Variants in GYS2 observed in about 807,000 individuals in gnomAD.
GYS2 encodes glycogen synthase 2.
GYS2 carries 80 observed loss-of-function variants against 85.6 expected under a neutral mutation model. The observed-to-expected ratio is 0.93, with a 90% CI of 0.78 to 1.13. GYS2 has a LOEUF of 1.13. Ranked by LOEUF, GYS2 falls within the 50% of genes most tolerant of loss-of-function variation. GYS2 has a pLI of 0.00. For missense variants in GYS2, 881 were observed against 854.9 expected (o/e 1.03, Z -0.38); for synonymous variants, 328 against 300.7 (o/e 1.09, Z -0.94).
downstream of GYS2, among the ~76,000 whole-genome samples, chr12:21,535,321 G>C (rs1430182744): frequency 6.6e-6 from 1 of 152,108 alleles, no homozygotes; most frequent in East Asian, 1.9e-4. Flanking sequence ...CATTTTCATG[G>C]TTATTGTAAC....
At chr12:21,583,923 G>T (rs980461769) in intron 1 of GYS2, among the ~76,000 whole-genome samples, 4 of 152,200 alleles carry the variant, frequency 2.6e-5, no homozygotes, top group African/African-American at 9.6e-5. Flanking sequence ...AATGCCCATG[G>T]TCTCCACTCC....
chr12:21,569,878 A>G (rs928007147), intron 4 of GYS2, among the ~76,000 whole-genome samples: 12 of 152,178 alleles, frequency 7.9e-5, no homozygotes, highest in Non-Finnish European at 1.0e-4. Flanking sequence ...CCTTCATTTT[A>G]TGGAGAAGGA....
Position 21,585,896 on chromosome 12 carries a change from G to A in GYS2, c.122-5373C>T, listed in dbSNP as rs118001082. Among the ~76,000 whole-genome samples the A allele has an allele frequency of 1.9e-3, 295 of 152,262 alleles. 9 individuals carry two copies. In the East Asian group the frequency reaches 0.045, roughly 23 times the overall value. On this transcript the variant is annotated intron_variant, in intron 1 of 15. Transcript: ENST00000261195. ...GGGATTGGTGCATTTTCAATTGCACGAAGGATAGTTTTAGTATGTTAGGCA... is the reference window on the plus strand; with the variant it reads ...GGGATTGGTGCATTTTCAATTGCACAAAGGATAGTTTTAGTATGTTAGGCA...
intron 1 of GYS2, among the ~76,000 whole-genome samples, chr12:21,590,721 C>T (rs1300244293): frequency 6.6e-6 from 1 of 152,202 alleles, no homozygotes; most frequent in Non-Finnish European, 1.5e-5. Flanking sequence ...TGTACACAGC[C>T]ATGGGGCCCA....
In GYS2 at chr12:21,543,474, ATTC is replaced by A. The variant is rs796291584; in HGVS notation, c.1550-886_1550-884del. Among the ~76,000 whole-genome samples the A allele has an allele frequency of 7.9e-5, 12 of 152,240 alleles. No homozygotes were observed. The South Asian group carries it at 2.5e-3, about 32-fold the overall frequency. ...CATTTTGGAACTCCTCTCCAGAAAT[ATTC>A]TTCTTTTTTTAATTTTTACACACTT... On this transcript the variant is annotated intron_variant, in intron 12 of 15. Transcript: ENST00000261195.
chr12:21,537,855 A>G (rs778132000), intron 15 of GYS2, among the ~76,000 whole-genome samples: 4 of 152,212 alleles, frequency 2.6e-5, no homozygotes, highest in Non-Finnish European at 5.9e-5. Context: ...AACCAGATGA[A>G]AAAACATGAT....
downstream of GYS2, among the ~76,000 whole-genome samples, chr12:21,533,423 A>G (rs1943883193): frequency 6.6e-6 from 1 of 152,236 alleles, no homozygotes; most frequent in Admixed American, 6.5e-5. Flanking sequence ...TATCTTGACC[A>G]CAAAGAAAGG....
chr12:21,536,236 T>A lies in GYS2; in HGVS notation c.*718A>T, dbSNP rs1943909019. ...GTTTATTTACTTGGATTTTACAAGT[T>A]ATCATCTATGAAGATTGACCAAATT... On this transcript the variant is annotated 3_prime_UTR_variant, in exon 16 of 16. Coordinates refer to ENST00000261195, the MANE Select transcript of GYS2 (RefSeq NM_021957.4). 6.6e-6 allele frequency: 1 copy of A among 152,256 alleles called. No homozygotes were observed. 9.4% of individuals were successfully genotyped at this position (152,256 alleles called of 1,614,324 possible). A position where few individuals can be genotyped will look rare whatever the true frequency, so the allele number is the denominator to read the frequency against.
intron 15 of GYS2, 92 bp downstream of exon 15, chr12:21,539,166 C>T (rs1943943536): frequency 2.6e-6 from 2 of 766,584 alleles, no homozygotes; most frequent in Non-Finnish European, 4.6e-6. Context: ...AGTATCATAG[C>T]TTGTGTGCAT....
At chr12:21,576,081 T>G in intron 2 of GYS2, 24 bp from the exon 3 acceptor site, 1 of 1,580,728 alleles carries the variant, frequency 6.3e-7, no homozygotes, top group South Asian at 1.1e-5. Flanking sequence ...AACACAGCCA[T>G]GTAGTGATAT....
intron 1 of GYS2, among the ~76,000 whole-genome samples, chr12:21,603,771 T>C (rs1944778481): frequency 6.6e-6 from 1 of 152,158 alleles, no homozygotes; most frequent in Non-Finnish European, 1.5e-5. Context: ...AAGGAATTGT[T>C]TTATAATTTT....
rs372237517 is a variant in GYS2 at position 21,542,605 on chromosome 12, T to G, written c.1550-14A>C. The G allele has an allele frequency of 3.2e-6, 5 of 1,580,790 alleles. No individual in the cohort carries two copies. Among genetic ancestry groups the G allele is most frequent in the Non-Finnish European group, 4.3e-6 (5 of 1,149,664 alleles). On this transcript the variant is annotated splice_polypyrimidine_tract_variant and intron_variant, in intron 12 of 15. Transcript: ENST00000261195. ...CAGTGCATTCAGCTGCCAGGGGAAA[T>G]AGACCAAAGCTTGGCTTCAGACCAG...
chr12:21,562,960 G>A lies in GYS2; in HGVS notation c.1020C>T (p.Asp340=), dbSNP rs552109590. The A allele has an allele frequency of 3.7e-6, 6 of 1,611,470 alleles. No homozygotes were observed. The African/African-American group carries it at 8.0e-5, about 21-fold the overall frequency. Reference sequence around the variant, plus strand: ...GCCTGGATAAGGATTCTAGGAAGATGTCAGCTCCTTTGTTTGAAAACTCAT... The same window carrying A: ...GCCTGGATAAGGATTCTAGGAAGATATCAGCTCCTTTGTTTGAAAACTCAT... ...GRYEFSNKGA[D]IFLESLSRLN... The change falls in exon 7 of 16, where the codon GAC becomes GAT. Residue 340 remains aspartate (D), a synonymous_variant. Transcript: ENST00000261195.
intron 2 of GYS2, among the ~76,000 whole-genome samples, chr12:21,577,912 A>C (rs1944464692): frequency 6.6e-6 from 1 of 152,178 alleles, no homozygotes; most frequent in Non-Finnish European, 1.5e-5. Flanking sequence ...AGATAAGGTT[A>C]CTTTTTGACC....
intron 1 of GYS2, among the ~76,000 whole-genome samples, chr12:21,582,504 C>A (rs77705123): frequency 0.17 from 25,186 of 152,002 alleles, 2,363 homozygotes; most frequent in East Asian, 0.27. Flanking sequence ...CCTCAGCTGG[C>A]AGATGGCCTG....
At chr12:21,591,395 GA>G (rs1944637431) in intron 1 of GYS2, among the ~76,000 whole-genome samples, 1 of 151,596 alleles carries the variant, frequency 6.6e-6, no homozygotes, top group Non-Finnish European at 1.5e-5. Flanking sequence ...TCAAGCAGAA[GA>G]AAAATTTCAG....
At chr12:21,539,081 G>C (rs1261417789) in intron 15 of GYS2, among the ~76,000 whole-genome samples, 177 bp downstream of exon 15, 1 of 152,176 alleles carries the variant, frequency 6.6e-6, no homozygotes, top group African/African-American at 2.4e-5. Context: ...TGAATTAACT[G>C]TCTTGAGAGC....
intron 1 of GYS2, among the ~76,000 whole-genome samples, chr12:21,593,069 A>T (rs1214057781): frequency 6.6e-6 from 1 of 152,034 alleles, no homozygotes; most frequent in African/African-American, 2.4e-5. Context: ...GAAATCAAAA[A>T]TTTTTTGAAA....
At chr12:21,562,677 T>C (rs966370538) in intron 7 of GYS2, among the ~76,000 whole-genome samples, 6 of 127,292 alleles carry the variant, frequency 4.7e-5, no homozygotes, top group East Asian at 4.3e-4. Context: ...AGACATATAA[T>C]GGGATAAGCT....
Sources: gnomAD v4.1 joint callset for allele counts (sites outside exome capture counted in the v4.1 genomes callset) on GRCh38, gnomAD v4.1.1 for gene constraint, MANE v1.5 for transcripts, NCBI Gene and HGNC (gene_info 2026-07-23, HGNC 2026-07-21) for gene names.